The following TM4SF20 variants were observed in gnomAD, a reference collection of about 807,000 sequenced individuals.
TM4SF20 encodes transmembrane 4 L six family member 20, also known as transmembrane 4 L6 family member 20.
TM4SF20 carries 13 observed loss-of-function variants against 15.1 expected under a neutral mutation model. The observed-to-expected ratio is 0.86, with a 90% CI of 0.56 to 1.36. The LOEUF is 1.36. TM4SF20 is among the 40% of genes most tolerant of loss of function. TM4SF20 has a pLI of 0.00. For missense variants in TM4SF20, 282 were observed against 268.4 expected (o/e 1.05, Z -0.35); for synonymous variants, 92 against 96.6 (o/e 0.95, Z 0.28).
chr2:227,367,267 C>G (rs985266703), intron 2 of TM4SF20, among the ~76,000 whole-genome samples: 1 of 152,120 alleles, frequency 6.6e-6, no homozygotes, highest in Non-Finnish European at 1.5e-5. Context: ...TTGAGAGCCA[C>G]TGTGTTAGAA....
intron 1 of TM4SF20, among the ~76,000 whole-genome samples, chr2:227,376,253 A>AT (rs2076450085): frequency 6.6e-6 from 1 of 152,270 alleles, no homozygotes. Context: ...CAAAGTGCTT[A>AT]TCACAGGCAG....
chr2:227,374,921 T>C (rs1269967005), intron 1 of TM4SF20, among the ~76,000 whole-genome samples: 2 of 80,794 alleles, frequency 2.5e-5, no homozygotes, highest in Non-Finnish European at 6.3e-5. Flanking sequence ...TGAGACCCTA[T>C]CTACAAAAAA....
intron 1 of TM4SF20, among the ~76,000 whole-genome samples, chr2:227,371,918 G>A (rs1279224378): frequency 2.0e-5 from 3 of 152,146 alleles, no homozygotes; most frequent in South Asian, 2.1e-4. Context: ...GGAAATACAC[G>A]TTGCCAAGGA....
chr2:227,364,782 G>A (rs1354890120), intron 3 of TM4SF20, among the ~76,000 whole-genome samples: 2 of 152,210 alleles, frequency 1.3e-5, no homozygotes, highest in Admixed American at 1.3e-4. Context: ...TCTGAGCGCT[G>A]TTGTCTGCAG....
At chr2:227,372,274 A>G (rs1193302276) in intron 1 of TM4SF20, among the ~76,000 whole-genome samples, 1 of 152,108 alleles carries the variant, frequency 6.6e-6, no homozygotes, top group East Asian at 1.9e-4. Flanking sequence ...CATTTTACCA[A>G]TGAGAAAACT....
chr2:227,371,713 A>C (rs1461460401), intron 1 of TM4SF20, among the ~76,000 whole-genome samples: 2 of 152,180 alleles, frequency 1.3e-5, no homozygotes, highest in Non-Finnish European at 2.9e-5. Flanking sequence ...TTGGGAACAA[A>C]TCATTCTGTC....
intron 1 of TM4SF20, among the ~76,000 whole-genome samples, chr2:227,376,965 T>C (rs970457924): frequency 6.6e-6 from 1 of 152,254 alleles, no homozygotes; most frequent in East Asian, 1.9e-4. Flanking sequence ...AGCTGGCCTT[T>C]GGCAGACGGC....
chr2:227,364,033 A>G, intron 3 of TM4SF20, 21 bp from the exon 4 acceptor site: 1 of 1,597,044 alleles, frequency 6.3e-7, no homozygotes, highest in Non-Finnish European at 8.5e-7. Flanking sequence ...AAAGATAAAA[A>G]TCAGATATTC....
intron 3 of TM4SF20, 140 bp from the exon 4 acceptor site, chr2:227,364,152 G>A: frequency 1.2e-6 from 1 of 856,466 alleles, no homozygotes; most frequent in Non-Finnish European, 1.8e-6. Flanking sequence ...CAGGGTTTCT[G>A]AGCATGTGTC....
chr2:227,375,530 C>T (rs1227303373), intron 1 of TM4SF20, among the ~76,000 whole-genome samples: 2 of 152,164 alleles, frequency 1.3e-5, no homozygotes, highest in Non-Finnish European at 2.9e-5. Flanking sequence ...TGCTCTGTCA[C>T]CTAGGCTGGA....
intron 3 of TM4SF20, among the ~76,000 whole-genome samples, 188 bp downstream of exon 3, chr2:227,365,905 A>T (rs2076390284): frequency 6.6e-6 from 1 of 152,220 alleles, no homozygotes; most frequent in African/African-American, 2.4e-5. Context: ...AGCATTGTAA[A>T]TCTAATGATT....
At chr2:227,368,661 CAG>C (rs1477797060) in intron 2 of TM4SF20, among the ~76,000 whole-genome samples, 1 of 152,146 alleles carries the variant, frequency 6.6e-6, no homozygotes, top group Non-Finnish European at 1.5e-5. Context: ...CCACCGCACC[CAG>C]CCATATTATC....
Position 227,379,189 on chromosome 2 carries a change from GC to G in TM4SF20, c.79del (p.Ala27ArgfsTer4). 6.2e-7 allele frequency: 1 copy of G among 1,613,954 alleles called. No homozygotes were observed. The highest frequency in any genetic ancestry group is 1.1e-5 in the South Asian group (1 of 91,080). On this transcript the variant is annotated frameshift_variant, in exon 1 of 4. Coordinates refer to ENST00000304568, the MANE Select transcript of TM4SF20 (RefSeq NM_024795.4). LOFTEE classifies it high-confidence loss of function. ...AACTAAGCTGACAATTAGAGGTATC[GC>G]ATTGAGAACTACTCCTAACAGCAGT... is the stretch of plus-strand genomic sequence containing the variant. Reference protein sequence around the residue: ...VLLLLGVVLNAIPLIVSLVEE... With the variant: ...VLLLLGVVLNXIPLIVSLVEE...
upstream of TM4SF20, among the ~76,000 whole-genome samples, chr2:227,381,335 T>C (rs1358862732): frequency 2.0e-5 from 3 of 151,508 alleles, no homozygotes; most frequent in Non-Finnish European, 4.4e-5. Context: ...CGAGAATAAC[T>C]GAAAGAATAC....
intron 2 of TM4SF20, 98 bp from the exon 3 acceptor site, chr2:227,366,342 C>T (rs2076392902): frequency 1.3e-5 from 14 of 1,050,518 alleles, no homozygotes; most frequent in Non-Finnish European, 1.5e-5. Flanking sequence ...ATCCAGTCGC[C>T]CTAAAATCCT....
intron 1 of TM4SF20, among the ~76,000 whole-genome samples, chr2:227,372,302 A>G (rs1273870616): frequency 6.6e-6 from 1 of 152,156 alleles, no homozygotes; most frequent in Non-Finnish European, 1.5e-5. Flanking sequence ...AGAAAGGACA[A>G]ATTACTCAAA....
At chr2:227,372,908 C>T (rs1414569993) in intron 1 of TM4SF20, among the ~76,000 whole-genome samples, 8 of 151,836 alleles carry the variant, frequency 5.3e-5, no homozygotes, top group Non-Finnish European at 8.8e-5. Flanking sequence ...TTTGTAGAGA[C>T]GGGGATTTTG....
rs1443400860 is a variant in TM4SF20 at position 227,362,984 on chromosome 2, C to G, written c.*740G>C. On this transcript the variant is annotated 3_prime_UTR_variant, in exon 4 of 4. Transcript: ENST00000304568. Reference sequence around the variant, plus strand: ...AATATTTTTCTTTTATAACATTTTCCTGTTGAAAATTGGGCCATTCTGTGC... The same window carrying G: ...AATATTTTTCTTTTATAACATTTTCGTGTTGAAAATTGGGCCATTCTGTGC... The G allele has an allele frequency of 1.3e-5, 2 of 152,056 alleles. No homozygotes were observed. Among genetic ancestry groups the G allele is most frequent in the African/African-American group, 4.8e-5 (2 of 41,400 alleles). The allele number at this position is 152,056 out of a possible 1,614,324, so 9.4% of individuals were successfully genotyped here. A position where few individuals can be genotyped will look rare whatever the true frequency, so the allele number is the denominator to read the frequency against.
chr2:227,376,747 C>G (rs1208605721), intron 1 of TM4SF20, among the ~76,000 whole-genome samples: 1 of 152,210 alleles, frequency 6.6e-6, no homozygotes, highest in African/African-American at 2.4e-5. Flanking sequence ...CCTCTGGCAG[C>G]CCTGAGACAG....
Sources: gnomAD v4.1 joint callset for allele counts (sites outside exome capture counted in the v4.1 genomes callset) on GRCh38, gnomAD v4.1.1 for gene constraint, MANE v1.5 for transcripts, NCBI Gene and HGNC (gene_info 2026-07-23, HGNC 2026-07-21) for gene names.